Variants in DIP2A observed in about 807,000 individuals in gnomAD.
DIP2A encodes the protein disco-interacting protein 2 homolog A.
DIP2A carries 85 observed loss-of-function variants against 177.4 expected under a neutral mutation model. That is an observed-to-expected ratio of 0.48 (90% CI 0.40 to 0.57). The LOEUF (loss-of-function observed/expected upper bound fraction) is 0.57. DIP2A is among the 20% of genes least tolerant of loss of function. The pLI is 0.00. For missense variants in DIP2A, 1,791 were observed against 2,100.2 expected (o/e 0.85, Z 2.88); for synonymous variants, 886 against 881.8 (o/e 1.00, Z -0.08).
rs9985016 is a variant in DIP2A, at chr21:46,520,289, A to G, written c.1102+8675A>G. On this transcript the variant is annotated intron_variant, in intron 8 of 37. Transcript: ENST00000417564. ...CTTGGCTCTGAAAAACAAAACAAAGAATCAGCAACAATTTAAGCAAAAAGT... is the reference window on the plus strand; with the variant it reads ...CTTGGCTCTGAAAAACAAAACAAAGGATCAGCAACAATTTAAGCAAAAAGT... 6.1e-3 allele frequency among the ~76,000 whole-genome samples: 923 copies of G among 152,322 alleles called. 10 individuals carry two copies. The highest frequency in any genetic ancestry group is 0.021 in the African/African-American group (887 of 41,548).
At chr21:46,477,828 C>T (rs1444018991) in intron 1 of DIP2A, among the ~76,000 whole-genome samples, 3 of 151,828 alleles carry the variant, frequency 2.0e-5, no homozygotes, top group Non-Finnish European at 4.4e-5. Flanking sequence ...AGGTGATCCA[C>T]CTGCCTTGGC....
At chr21:46,526,583 C>T (rs928034714) in intron 8 of DIP2A, among the ~76,000 whole-genome samples, 3 of 151,898 alleles carry the variant, frequency 2.0e-5, no homozygotes, top group Non-Finnish European at 4.4e-5. Context: ...TTAGTAGAGA[C>T]AGGGTTTTAC....
At position 46,538,535 on chromosome 21, in the gene DIP2A, G is replaced by C. The variant is rs1244326345; in HGVS notation, c.1854G>C (p.Gln618His). 2 of 1,562,362 alleles carry C rather than the reference G, an allele frequency of 1.3e-6. No individual in the cohort carries two copies. The highest frequency in any genetic ancestry group is 1.7e-6 in the Non-Finnish European group (2 of 1,155,974). The change falls in exon 16 of 38, where the codon CAG becomes CAC. Residue 618 changes from glutamine (Q) to histidine (H), a missense_variant. Gln to His is a conservative substitution (Grantham distance 24). Transcript: ENST00000417564. ...SRDMHWSLLAQRGQRDVSLSS... is the reference protein window; with the variant it reads ...SRDMHWSLLAHRGQRDVSLSS... Reference sequence around the variant, plus strand: ...ACATGCACTGGTCTCTCCTAGCTCAGCGGGGCCAGAGGGACGTCAGCCTCA... The same window carrying C: ...ACATGCACTGGTCTCTCCTAGCTCACCGGGGCCAGAGGGACGTCAGCCTCA...
At chr21:46,515,461 T>A (rs935672986) in intron 8 of DIP2A, among the ~76,000 whole-genome samples, 4 of 151,706 alleles carry the variant, frequency 2.6e-5, no homozygotes, top group South Asian at 2.1e-4. Context: ...TCTTTTTTTT[T>A]TTTTATATAT....
rs375805758 is a variant in DIP2A, at chr21:46,498,664, C to T, written c.486C>T (p.Ser162=). 6.2e-6 allele frequency: 10 copies of T among 1,613,620 alleles called. No homozygotes were observed. Among genetic ancestry groups the T allele is most frequent in the African/African-American group, 5.3e-5 (4 of 74,922 alleles). Residue 162 remains serine, a synonymous_variant, in exon 5 of 38, where the codon AGC becomes AGT. Coordinates refer to ENST00000417564, the MANE Select transcript of DIP2A (RefSeq NM_015151.4). The surrounding 1 kb of genome is among the most constrained non-coding windows in gnomAD (Gnocchi z 4.3). ...CCACTCCGCTCCAGAGCCATTCCAG[C>T]GTCGAGCCCTGGCTCGACCGGGTCA... ...LTSTPLQSHS[S]VEPWLDRVIQ...
At chr21:46,535,876 G>C (rs2059547410) in intron 13 of DIP2A, among the ~76,000 whole-genome samples, 1 of 152,050 alleles carries the variant, frequency 6.6e-6, no homozygotes, top group Non-Finnish European at 1.5e-5. Flanking sequence ...CAGGAGTTTT[G>C]GGCTGTAGTG....
chr21:46,499,250 G>C (rs544131334), intron 5 of DIP2A, among the ~76,000 whole-genome samples: 23 of 152,206 alleles, frequency 1.5e-4, no homozygotes, highest in African/African-American at 5.5e-4. Flanking sequence ...TTGGGGCATG[G>C]GGCATTTCTC....
intron 20 of DIP2A, among the ~76,000 whole-genome samples, chr21:46,546,688 G>A (rs1202962905): frequency 1.3e-5 from 2 of 152,130 alleles, no homozygotes; most frequent in South Asian, 4.2e-4. Context: ...CTCCCTTCCT[G>A]ATGCTGCCCC....
At chr21:46,577,450 G>A in the DIP2A span, among the ~76,000 whole-genome samples, 18,321 of 152,138 alleles carry the variant, frequency 0.12, 1,466 homozygotes, top group African/African-American at 0.22. Context: ...TAGATGGGCA[G>A]TCTTACTTCT....
chr21:46,555,073 C>G, intron 28 of DIP2A, 140 bp downstream of exon 28: 1 of 870,072 alleles, frequency 1.1e-6, no homozygotes, highest in Non-Finnish European at 1.8e-6. Context: ...GGGGGTGCCC[C>G]GGGCCCTGGT....
chr21:46,503,145 A>T (rs752612788), intron 5 of DIP2A, among the ~76,000 whole-genome samples: 30 of 152,116 alleles, frequency 2.0e-4, no homozygotes, highest in Non-Finnish European at 1.5e-4. Context: ...CAATATGGTG[A>T]AAACCCGTCT....
chr21:46,583,864 T>C, the DIP2A span, among the ~76,000 whole-genome samples: 1 of 152,196 alleles, frequency 6.6e-6, no homozygotes. Flanking sequence ...TTTCTGTTCA[T>C]TATTAAATAC....
intron 17 of DIP2A, among the ~76,000 whole-genome samples, chr21:46,541,318 G>A (rs2059807580): frequency 6.6e-6 from 1 of 152,194 alleles, no homozygotes; most frequent in Non-Finnish European, 1.5e-5. Context: ...AGGGAGCGGT[G>A]AGGGGCTGAG....
chr21:46,566,448 C>A, intron 36 of DIP2A, 112 bp from the exon 37 acceptor site: 1 of 1,437,244 alleles, frequency 7.0e-7, no homozygotes, highest in Non-Finnish European at 9.5e-7. Context: ...CATGATGTTT[C>A]AGTTGAGACC....
At chr21:46,476,076 A>C (rs2055814739) in intron 1 of DIP2A, among the ~76,000 whole-genome samples, 2 of 62,962 alleles carry the variant, frequency 3.2e-5, no homozygotes, top group Non-Finnish European at 3.1e-5. Flanking sequence ...TCTACTAAAA[A>C]TACAAAAAAA....
intron 1 of DIP2A, among the ~76,000 whole-genome samples, chr21:46,483,100 G>A (rs921602116): frequency 5.3e-5 from 8 of 152,092 alleles, no homozygotes; most frequent in East Asian, 3.9e-4. Context: ...AGGGGTACCC[G>A]GGTCAGTGCA....
intron 8 of DIP2A, among the ~76,000 whole-genome samples, chr21:46,512,816 CAAAA>C (rs2058372808): frequency 2.6e-5 from 2 of 76,976 alleles, no homozygotes; most frequent in South Asian, 7.9e-4. Context: ...AAAAAACAAA[CAAAA>C]CAAAAAAAAC....
At chr21:46,552,128 C>A (rs1041842458) in intron 25 of DIP2A, among the ~76,000 whole-genome samples, 3 of 152,226 alleles carry the variant, frequency 2.0e-5, no homozygotes, top group Admixed American at 2.0e-4. Context: ...CCTTTCCTTT[C>A]TTGTTTTCCA....
chr21:46,565,169 G>A (rs2148921434), intron 35 of DIP2A, among the ~76,000 whole-genome samples: 1 of 152,050 alleles, frequency 6.6e-6, no homozygotes, highest in East Asian at 1.9e-4. Context: ...GCTTACGTGT[G>A]TAGATATGAG....
Sources: allele counts gnomAD v4.1 joint callset (sites outside exome capture counted in the v4.1 genomes callset), GRCh38; gene constraint gnomAD v4.1.1; non-coding constraint Gnocchi (gnomAD v3.1); transcripts MANE v1.5; gene names NCBI Gene and HGNC (gene_info 2026-07-23, HGNC 2026-07-21).